CD58: variants seen among roughly 807,000 people sequenced by gnomAD.
The protein encoded by CD58 is CD58 molecule, also known as lymphocyte function-associated antigen 3.
In CD58, 14 loss-of-function variants were observed where a neutral mutation model predicts 27.6. The observed-to-expected ratio is 0.51, with a 90% CI of 0.34 to 0.79. The LOEUF is 0.79. Ranked by LOEUF, CD58 falls within the 30% of genes least tolerant of loss-of-function variation. CD58 has a pLI of 0.02. For missense variants in CD58, 268 were observed against 301.7 expected (o/e 0.89, Z 0.83); for synonymous variants, 117 against 103.8 (o/e 1.13, Z -0.77).
Position 116,541,023 on chromosome 1 carries a change from G to C in CD58, c.364+3288C>G, listed in dbSNP as rs933745409. Among the ~76,000 whole-genome samples, 1 of 152,080 alleles carries C rather than the reference G, an allele frequency of 6.6e-6. No homozygotes were observed. Among genetic ancestry groups the C allele is most frequent in the Non-Finnish European group, 1.5e-5 (1 of 68,018 alleles). Reference sequence around the variant, plus strand: ...GGAGTCTTGCTATGTTGCCTAGGATGGTCTTGAACTACTGGGCTTAAGCAA... The same window carrying C: ...GGAGTCTTGCTATGTTGCCTAGGATCGTCTTGAACTACTGGGCTTAAGCAA... On this transcript the variant is annotated intron_variant, in intron 2 of 5. Transcript: ENST00000369489. The surrounding 1 kb of genome is among the most constrained non-coding windows in gnomAD (Gnocchi z 5.3).
rs748107928 is a variant in CD58, at chr1:116,528,062, G to A, written c.629-6079C>T. Among the ~76,000 whole-genome samples, 47 of 152,258 alleles carry A rather than the reference G, an allele frequency of 3.1e-4. 1 individual carries two copies. The highest frequency in any genetic ancestry group is 5.6e-4 in the Non-Finnish European group (38 of 68,008). ...ATAGGCATAAGCCACTGCACGCAGC[G>A]TTCTTTCTCAATTTTTAAAAGCAGA... On this transcript the variant is annotated intron_variant, in intron 3 of 5. Transcript: ENST00000369489. The surrounding 1 kb of genome is among the most constrained non-coding windows in gnomAD (Gnocchi z 4.4).
rs1485401867 is a variant in CD58 at position 116,557,640 on chromosome 1, C to T, written c.71-13036G>A. On this transcript the variant is annotated intron_variant, in intron 1 of 5. Coordinates refer to ENST00000369489, the MANE Select transcript of CD58 (RefSeq NM_001779.3). This position sits in a 1 kb window ranked among gnomAD's most constrained non-coding sequence, Gnocchi z 5.2. The stretch of plus-strand genomic sequence containing the variant: ...TTTTTATTTTTCTCTTTCTTTCCCT[C>T]TCTCTCTCCCTCCTTCCCTCCCCTT... 6.6e-6 allele frequency among the ~76,000 whole-genome samples: 1 copy of T among 151,714 alleles called. No homozygotes were observed. The highest frequency in any genetic ancestry group is 2.4e-5 in the African/African-American group (1 of 41,278).
intron 3 of CD58, among the ~76,000 whole-genome samples, chr1:116,525,043 A>C (rs1483336200): frequency 6.6e-6 from 1 of 152,224 alleles, no homozygotes; most frequent in African/African-American, 2.4e-5. Flanking sequence ...ATTTTTTAGA[A>C]TTAATGAAAC....
chr1:116,537,556 C>T (rs570254528), intron 2 of CD58, among the ~76,000 whole-genome samples: 12 of 152,290 alleles, frequency 7.9e-5, no homozygotes, highest in African/African-American at 2.4e-4. Context: ...CAGCATGTGT[C>T]ACAGACCTGC....
chr1:116,532,428 T>C lies in CD58; in HGVS notation c.628+3537A>G, dbSNP rs1471156484. On this transcript the variant is annotated intron_variant, in intron 3 of 5. Transcript: ENST00000369489. This position sits in a 1 kb window ranked among gnomAD's most constrained non-coding sequence, Gnocchi z 5.1. ...ACGGCCCTACTCTACACGGCCCTTCTGAGATGATTAGCATACAGCAGGTGA... is the reference window on the plus strand; with the variant it reads ...ACGGCCCTACTCTACACGGCCCTTCCGAGATGATTAGCATACAGCAGGTGA... 1.3e-5 allele frequency among the ~76,000 whole-genome samples: 2 copies of C among 152,224 alleles called. No homozygotes were observed. Among genetic ancestry groups the C allele is most frequent in the African/African-American group, 4.8e-5 (2 of 41,470 alleles).
intron 1 of CD58, among the ~76,000 whole-genome samples, chr1:116,547,669 T>A (rs1658235955): frequency 6.6e-6 from 1 of 152,136 alleles, no homozygotes. Context: ...TATATATATA[T>A]CTCCCACATT....
In CD58 at chr1:116,534,084, A is replaced by T; in HGVS notation, c.628+1881T>A. The T allele has an allele frequency of 1.2e-6, 1 of 813,746 alleles. No individual in the cohort carries two copies. The highest frequency in any genetic ancestry group is 2.2e-6 in the Non-Finnish European group (1 of 463,338). 50.4% of individuals were successfully genotyped at this position (813,746 alleles called of 1,614,324 possible). On this transcript the variant is annotated intron_variant, in intron 3 of 5. Transcript: ENST00000369489. This position sits in a 1 kb window ranked among gnomAD's most constrained non-coding sequence, Gnocchi z 5.3. Reference sequence around the variant, plus strand: ...AAGGAACCCCATCTGAAAAACTGTTATCTGCCATCTGAATGTTTTTATCCC... The same window carrying T: ...AAGGAACCCCATCTGAAAAACTGTTTTCTGCCATCTGAATGTTTTTATCCC...
chr1:116,543,672 C>T (rs1658064775), intron 2 of CD58, among the ~76,000 whole-genome samples: 1 of 152,022 alleles, frequency 6.6e-6, no homozygotes, highest in Non-Finnish European at 1.5e-5. Flanking sequence ...AGTGTAATCC[C>T]AGCACTTTGG....
At chr1:116,530,822 C>A (rs1657579717) in intron 3 of CD58, among the ~76,000 whole-genome samples, 1 of 152,018 alleles carries the variant, frequency 6.6e-6, no homozygotes, top group African/African-American at 2.4e-5. Context: ...TCAAAAGAAC[C>A]ATTAAGATCA....
intron 1 of CD58, among the ~76,000 whole-genome samples, chr1:116,553,011 T>A (rs1398567910): frequency 6.6e-6 from 1 of 152,126 alleles, no homozygotes; most frequent in Non-Finnish European, 1.5e-5. Context: ...TTTTTTTATG[T>A]TTAATTTTTG....
intron 1 of CD58, among the ~76,000 whole-genome samples, chr1:116,569,881 T>G (rs1053036653): frequency 1.3e-5 from 2 of 152,128 alleles, no homozygotes; most frequent in African/African-American, 2.4e-5. Context: ...GGATGACAGG[T>G]GTAAGCCACC....
rs1316608442 is a variant in CD58, at chr1:116,557,848, A to AT, written c.70+13054dup. Among the ~76,000 whole-genome samples, 3 of 151,872 alleles carry AT rather than the reference A, an allele frequency of 2.0e-5. No homozygotes were observed. The highest frequency in any genetic ancestry group is 4.4e-5 in the Non-Finnish European group (3 of 67,936). ...GCCACCACGCCCAGCTAATTTTTATATTTTTTGTAGAAACAAGGTCTCACT... is the reference window on the plus strand; with the variant it reads ...GCCACCACGCCCAGCTAATTTTTATATTTTTTTGTAGAAACAAGGTCTCACT... On this transcript the variant is annotated intron_variant, in intron 1 of 5. Transcript: ENST00000369489. The surrounding 1 kb of genome is among the most constrained non-coding windows in gnomAD (Gnocchi z 5.2).
In CD58 at chr1:116,519,712, C is replaced by A. The variant is rs932989660; in HGVS notation, c.707-445G>T. ...ATATAAAATTATTTCAACATGTACT[C>A]AATATAAACATTTTTTAATGAGATA... On this transcript the variant is annotated intron_variant, in intron 4 of 5. Transcript: ENST00000369489. This position sits in a 1 kb window ranked among gnomAD's most constrained non-coding sequence, Gnocchi z 4.7. 1.3e-5 allele frequency among the ~76,000 whole-genome samples: 2 copies of A among 152,130 alleles called. No homozygotes were observed. The highest frequency in any genetic ancestry group is 2.9e-5 in the Non-Finnish European group (2 of 68,026).
rs1657132225 is a variant in CD58, at chr1:116,517,814, T to G, written c.743+1417A>C. ...TCTAGCGTGAAGCCCACGCTCCAAT[T>G]CTGTGCATGGACATCACTAGCCAGG... is the stretch of plus-strand genomic sequence containing the variant. On this transcript the variant is annotated intron_variant, in intron 5 of 5. Transcript: ENST00000369489. The surrounding 1 kb of genome is among the most constrained non-coding windows in gnomAD (Gnocchi z 6.5). 6.6e-6 allele frequency among the ~76,000 whole-genome samples: 1 copy of G among 152,114 alleles called. No homozygotes were observed. The highest frequency in any genetic ancestry group is 1.5e-5 in the Non-Finnish European group (1 of 68,016).
At chr1:116,565,666 G>A (rs1658905426) in intron 1 of CD58, among the ~76,000 whole-genome samples, 2 of 150,304 alleles carry the variant, frequency 1.3e-5, no homozygotes, top group Non-Finnish European at 3.0e-5. Flanking sequence ...TGTTTAAGAA[G>A]GGTAGTTAGA....
rs1251627756 is a variant in CD58, at chr1:116,563,370, C to T, written c.70+7533G>A. 6.6e-6 allele frequency among the ~76,000 whole-genome samples: 1 copy of T among 150,410 alleles called. No homozygotes were observed. The highest frequency in any genetic ancestry group is 1.5e-5 in the Non-Finnish European group (1 of 67,490). ...ACGGTGCAAGCTCTCGGTGGATCTA[C>T]CATTCCGGGGTCTGGTGGATGATGG... is the stretch of plus-strand genomic sequence containing the variant. On this transcript the variant is annotated intron_variant, in intron 1 of 5. Coordinates refer to ENST00000369489, the MANE Select transcript of CD58 (RefSeq NM_001779.3). The surrounding 1 kb of genome is among the most constrained non-coding windows in gnomAD (Gnocchi z 4.1).
At chr1:116,549,421 G>A (rs1432657233) in intron 1 of CD58, among the ~76,000 whole-genome samples, 1 of 152,180 alleles carries the variant, frequency 6.6e-6, no homozygotes, top group Admixed American at 6.5e-5. Flanking sequence ...AGACCTTGAA[G>A]CAGGAGCAAT....
intron 1 of CD58, among the ~76,000 whole-genome samples, chr1:116,545,458 G>A (rs566285506): frequency 2.6e-5 from 4 of 152,254 alleles, no homozygotes; most frequent in African/African-American, 9.6e-5. Flanking sequence ...GTTTGTAGTG[G>A]GGACAGACAA....
Position 116,541,215 on chromosome 1 carries a change from T to C in CD58, c.364+3096A>G, listed in dbSNP as rs1657978353. ...AACTCTATAAAAAGGGCTCTTAAAA[T>C]GTGTGATCTAAATTCTGACTCAATC... On this transcript the variant is annotated intron_variant, in intron 2 of 5. Transcript: ENST00000369489. The surrounding 1 kb of genome is among the most constrained non-coding windows in gnomAD (Gnocchi z 5.3). 6.6e-6 allele frequency among the ~76,000 whole-genome samples: 1 copy of C among 152,254 alleles called. No individual in the cohort carries two copies. The highest frequency in any genetic ancestry group is 2.4e-5 in the African/African-American group (1 of 41,462).
Sources: gnomAD v4.1 joint callset for allele counts (sites outside exome capture counted in the v4.1 genomes callset) on GRCh38, gnomAD v4.1.1 for gene constraint, Gnocchi (gnomAD v3.1) non-coding constraint, MANE v1.5 for transcripts, NCBI Gene and HGNC (gene_info 2026-07-23, HGNC 2026-07-21) for gene names.